ZSCAN5A: variants seen among roughly 807,000 people sequenced by gnomAD.
ZSCAN5A encodes zinc finger and SCAN domain-containing protein 5A.
Under a neutral mutation model 23.7 loss-of-function variants are expected in ZSCAN5A, and 12 were observed. The observed-to-expected ratio is 0.51, with a 90% CI of 0.32 to 0.82. The LOEUF (loss-of-function observed/expected upper bound fraction) is 0.82, where lower values mean the gene tolerates loss of function less well. ZSCAN5A is among the 40% of genes least tolerant of loss of function. The probability of loss-of-function intolerance (pLI) is 0.03; values close to 1 mark genes in which losing one functional copy is unlikely to be tolerated. For missense variants in ZSCAN5A, 597 were observed against 617.9 expected (o/e 0.97, Z 0.36); for synonymous variants, 257 against 239.9 (o/e 1.07, Z -0.66).
At chr19:56,244,153 C>G in intron 2 of ZSCAN5A, 1 of 1,605,590 alleles carries the variant, frequency 6.2e-7, no homozygotes, top group African/African-American at 1.3e-5. Flanking sequence ...GAAATCATGA[C>G]TGGGACCCTG....
chr19:56,303,064 A>G (rs2040450895), intron 2 of ZSCAN5A: 3 of 394,032 alleles, frequency 7.6e-6, no homozygotes, highest in Non-Finnish European at 1.3e-5. Flanking sequence ...AGGAGGTGAC[A>G]CCTCTGCTGT....
At position 56,308,313 on chromosome 19, in the gene ZSCAN5A, T is replaced by C. The variant is rs565577646; in HGVS notation, c.-128+4970A>G. On this transcript the variant is annotated intron_variant, in intron 2 of 5. Coordinates refer to ENST00000683990, the MANE Select transcript of ZSCAN5A (RefSeq NM_001322064.3). The stretch of plus-strand genomic sequence containing the variant: ...TCCCAAAGTGCTGGGATTACAGGCG[T>C]GAGCGGTGGCTCCCAGTCTTTTTTT... 1.1e-3 allele frequency among the ~76,000 whole-genome samples: 171 copies of C among 150,862 alleles called. 1 individual carries two copies. The highest frequency in any genetic ancestry group is 3.9e-3 in the African/African-American group (159 of 41,058).
intron 2 of ZSCAN5A, chr19:56,282,384 C>A: frequency 1.6e-6 from 1 of 632,596 alleles, no homozygotes; most frequent in Non-Finnish European, 2.0e-6. Context: ...CAATGAGGTA[C>A]CAAGGATGAC....
intron 2 of ZSCAN5A, chr19:56,244,051 A>T: frequency 1.0e-6 from 1 of 987,422 alleles, no homozygotes; most frequent in Non-Finnish European, 1.6e-6. Context: ...ATATGGCTGC[A>T]AATTGCAACT....
At position 56,225,136 on chromosome 19, in the gene ZSCAN5A, G is replaced by A. The variant is rs932234980; in HGVS notation, c.-90C>T. The A allele has an allele frequency of 6.7e-7, 1 of 1,497,036 alleles. No individual in the cohort carries two copies. The highest frequency in any genetic ancestry group is 1.4e-5 in the South Asian group (1 of 72,554). 92.7% of individuals were successfully genotyped at this position (1,497,036 alleles called of 1,614,324 possible). A position where few individuals can be genotyped will look rare whatever the true frequency, so the allele number is the denominator to read the frequency against. On this transcript the variant is annotated 5_prime_UTR_variant, in exon 3 of 6. Coordinates refer to ENST00000683990, the MANE Select transcript of ZSCAN5A (RefSeq NM_001322064.3). ...TACCTATCTACACAGGCTTCCTCTGGTTTTCCTCAGTAATAGATTCACTGT... is the reference window on the plus strand; with the variant it reads ...TACCTATCTACACAGGCTTCCTCTGATTTTCCTCAGTAATAGATTCACTGT...
intron 2 of ZSCAN5A, among the ~76,000 whole-genome samples, chr19:56,303,307 G>A (rs1010243619): frequency 8.6e-5 from 13 of 151,836 alleles, no homozygotes; most frequent in South Asian, 2.1e-4. Flanking sequence ...GTGAAACCCC[G>A]TCTCTACTAA....
At chr19:56,336,936 C>T (rs1182935200) in intron 2 of ZSCAN5A, among the ~76,000 whole-genome samples, 1 of 152,156 alleles carries the variant, frequency 6.6e-6, no homozygotes. Flanking sequence ...CTGATCATTC[C>T]TCTGGAAGTT....
rs1444671804 is a variant in ZSCAN5A, at chr19:56,352,428, T to C, written c.-358+10807A>G. 6.6e-6 allele frequency among the ~76,000 whole-genome samples: 1 copy of C among 152,206 alleles called. No homozygotes were observed. The highest frequency in any genetic ancestry group is 1.5e-5 in the Non-Finnish European group (1 of 68,038). ...CAGGATGGTTAGAAGGGACTGATTA[T>C]TGAAAGAATTTCGGTGAAAAAATAA... is the stretch of plus-strand genomic sequence containing the variant. On this transcript the variant is annotated intron_variant, in intron 2 of 6. Coordinates refer to the ZSCAN5A transcript ENST00000587340. This position sits in a 1 kb window ranked among gnomAD's most constrained non-coding sequence, Gnocchi z 4.2.
intron 2 of ZSCAN5A, among the ~76,000 whole-genome samples, chr19:56,227,796 T>C (rs1185851325): frequency 6.6e-6 from 1 of 152,126 alleles, no homozygotes; most frequent in Non-Finnish European, 1.5e-5. Context: ...GGCTCAGGCC[T>C]GTAATTCTAA....
intron 2 of ZSCAN5A, among the ~76,000 whole-genome samples, chr19:56,327,962 GTACATATTTTGA>G (rs2041451765): frequency 6.7e-6 from 1 of 148,152 alleles, no homozygotes; most frequent in African/African-American, 2.6e-5. Flanking sequence ...ATTCACATTA[GTACATATTTTGA>G]TACATATACA....
Position 56,222,722 on chromosome 19 carries a change from T to C in ZSCAN5A, c.608A>G (p.His203Arg), listed in dbSNP as rs138391803. The change falls in exon 5 of 6, where the codon CAC becomes CGC. Residue 203 changes from histidine (H) to arginine (R), a missense_variant. Physicochemically the swap from His to Arg is conservative, Grantham distance 29. This residue lies in a region of ZSCAN5A where 406 missense variants were observed against 353.2 expected (regional missense o/e 1.15). Transcript: ENST00000683990. ...SRRQGEDFLL[H>R]KSIDVTGDPK... ...GTCACCTGTTACGTCAATACTCTTG[T>C]GTAGCAGAAAGTCCTCTCCCTGAAG... is the stretch of plus-strand genomic sequence containing the variant. 3.7e-6 allele frequency: 6 copies of C among 1,614,030 alleles called. No homozygotes were observed. The African/African-American group carries it at 8.0e-5, about 22-fold the overall frequency.
At chr19:56,343,860 T>C (rs767769556) in intron 2 of ZSCAN5A, among the ~76,000 whole-genome samples, 9 of 152,340 alleles carry the variant, frequency 5.9e-5, no homozygotes, top group Admixed American at 3.3e-4. Context: ...AGCACACACC[T>C]GTTTTTAGAA....
chr19:56,326,956 C>T (rs1423722545), intron 2 of ZSCAN5A, among the ~76,000 whole-genome samples: 1 of 152,142 alleles, frequency 6.6e-6, no homozygotes, highest in Non-Finnish European at 1.5e-5. Flanking sequence ...AACATTCACT[C>T]AGTGCTATAT....
intron 2 of ZSCAN5A, among the ~76,000 whole-genome samples, chr19:56,233,162 A>G (rs964529617): frequency 3.3e-5 from 5 of 152,148 alleles, no homozygotes; most frequent in Non-Finnish European, 5.9e-5. Flanking sequence ...CAATGACTCA[A>G]ATAATGGCAG....
chr19:56,362,840 C>T (rs2041742788), intron 2 of ZSCAN5A, among the ~76,000 whole-genome samples: 1 of 149,004 alleles, frequency 6.7e-6, no homozygotes, highest in Middle Eastern at 3.3e-3. Flanking sequence ...CACTGCACTC[C>T]AGCCTGGGCG....
At chr19:56,320,210 A>G in intron 2 of ZSCAN5A, 1 of 628,234 alleles carries the variant, frequency 1.6e-6, no homozygotes, top group South Asian at 1.5e-5. Flanking sequence ...AATCATCTCA[A>G]TTCTGTTCTC....
chr19:56,343,336 CA>C, intron 2 of ZSCAN5A: 2 of 601,674 alleles, frequency 3.3e-6, no homozygotes, highest in East Asian at 3.9e-5. Context: ...AGTGAATACC[CA>C]AAAATGAATG....
intron 2 of ZSCAN5A, chr19:56,263,683 C>T (rs561533614): frequency 2.0e-5 from 3 of 152,216 alleles, no homozygotes; most frequent in Admixed American, 1.3e-4. Context: ...CCTAAAACAT[C>T]TGAAAGAAGG....
At chr19:56,305,350 TG>T (rs943052072) in intron 2 of ZSCAN5A, among the ~76,000 whole-genome samples, 1 of 152,222 alleles carries the variant, frequency 6.6e-6, no homozygotes, top group African/African-American at 2.4e-5. Context: ...CGTGGCCCTT[TG>T]CATCTGGGTT....
Sources: allele counts gnomAD v4.1 joint callset (sites outside exome capture counted in the v4.1 genomes callset), GRCh38; gene constraint gnomAD v4.1.1; regional missense constraint gnomAD v4.1.1; non-coding constraint Gnocchi (gnomAD v3.1); transcripts MANE v1.5; gene names NCBI Gene and HGNC (gene_info 2026-07-23, HGNC 2026-07-21).